PTGIS: variants seen among roughly 807,000 people sequenced by gnomAD.
PTGIS encodes the protein prostacyclin synthase.
In PTGIS, 45 loss-of-function variants were observed where a neutral mutation model predicts 50.3. That is an observed-to-expected ratio of 0.90 (90% CI 0.70 to 1.15). PTGIS has a LOEUF of 1.15. Ranked by LOEUF, PTGIS falls within the 50% of genes most tolerant of loss-of-function variation. The pLI is 0.00. For synonymous variants in PTGIS, 260 were observed against 267.7 expected, an observed-to-expected ratio of 0.97 and a Z score of 0.28; for missense variants, 668 against 661.3, an observed-to-expected ratio of 1.01 and a Z score of -0.11.
At position 49,511,179 on chromosome 20, in the gene PTGIS, C is replaced by A. The variant is rs1211058686; in HGVS notation, c.1207G>T (p.Val403Leu). The A allele has an allele frequency of 1.9e-6, 3 of 1,613,974 alleles. No individual in the cohort carries two copies. The highest frequency in any genetic ancestry group is 2.7e-5 in the African/African-American group (2 of 74,930). The change falls in exon 9 of 10, where the codon GTA (valine) becomes TTA (leucine). Residue 403 changes from valine (V) to leucine (L), a missense_variant and splice_region_variant. Val to Leu is a conservative substitution (Grantham distance 32, BLOSUM62 1). Coordinates refer to ENST00000244043, the MANE Select transcript of PTGIS (RefSeq NM_000961.4). ...RDPEIYTDPE[V>L]FKYNRFLNPD... ...TTCAGGAATCGGTTGTATTTAAATACCTGAAATAGGAAGAAGGTCCTTTTC... is the reference window on the plus strand; with the variant it reads ...TTCAGGAATCGGTTGTATTTAAATAACTGAAATAGGAAGAAGGTCCTTTTC...
intron 3 of PTGIS, 148 bp from the exon 4 acceptor site, chr20:49,544,596 T>A (rs1333230999): frequency 2.5e-6 from 2 of 809,564 alleles, no homozygotes; most frequent in Non-Finnish European, 4.0e-6. Context: ...AATAAGAGGA[T>A]ATTATTATGA....
chr20:49,527,463 T>C (rs1308369493), intron 5 of PTGIS, among the ~76,000 whole-genome samples: 1 of 151,680 alleles, frequency 6.6e-6, no homozygotes, highest in Admixed American at 6.6e-5. Flanking sequence ...CAAAATCTCA[T>C]ATAATGAGAA....
intron 6 of PTGIS, among the ~76,000 whole-genome samples, chr20:49,519,405 C>G (rs1436543356): frequency 6.6e-6 from 1 of 152,054 alleles, no homozygotes; most frequent in East Asian, 1.9e-4. Flanking sequence ...CATCTCCGAC[C>G]TGACAGCAGC....
intron 9 of PTGIS, among the ~76,000 whole-genome samples, 162 bp from the exon 10 acceptor site, chr20:49,508,226 C>T (rs776176989): frequency 2.6e-5 from 4 of 152,220 alleles, no homozygotes; most frequent in Admixed American, 6.5e-5. Flanking sequence ...CTGCTCACCA[C>T]ATTTGCCAGC....
chr20:49,516,505 T>C (rs1489227973), intron 6 of PTGIS, among the ~76,000 whole-genome samples: 1 of 152,208 alleles, frequency 6.6e-6, no homozygotes, highest in Non-Finnish European at 1.5e-5. Context: ...AAATCATTTC[T>C]ACAGTGATGT....
chr20:49,564,067 G>T (rs1221787597), intron 1 of PTGIS, among the ~76,000 whole-genome samples: 1 of 152,202 alleles, frequency 6.6e-6, no homozygotes, highest in Admixed American at 6.5e-5. Context: ...CTAACTCTCA[G>T]CTCACCACCC....
At chr20:49,508,409 G>C (rs1981216529) in intron 9 of PTGIS, among the ~76,000 whole-genome samples, 1 of 152,132 alleles carries the variant, frequency 6.6e-6, no homozygotes, top group Admixed American at 6.6e-5. Context: ...AGCCGAAAGA[G>C]GGAAAGAGCC....
intron 5 of PTGIS, among the ~76,000 whole-genome samples, chr20:49,531,367 G>C (rs1420504456): frequency 6.6e-6 from 1 of 152,108 alleles, no homozygotes; most frequent in African/African-American, 2.4e-5. Context: ...TAGTTAAAGG[G>C]GGAGTCTGCA....
At chr20:49,533,991 A>C (rs533545254) in intron 5 of PTGIS, among the ~76,000 whole-genome samples, 1 of 151,626 alleles carries the variant, frequency 6.6e-6, no homozygotes, top group African/African-American at 2.4e-5. Context: ...ATATATATAA[A>C]ATGTATGTAT....
intron 5 of PTGIS, among the ~76,000 whole-genome samples, chr20:49,528,067 G>C (rs1981835170): frequency 6.6e-6 from 1 of 152,150 alleles, no homozygotes; most frequent in South Asian, 2.1e-4. Flanking sequence ...TTGAACCCGG[G>C]AGGTGGAGGT....
chr20:49,515,988 C>CT (rs1333680928), intron 6 of PTGIS, among the ~76,000 whole-genome samples: 4 of 151,858 alleles, frequency 2.6e-5, no homozygotes. Context: ...TCAAGTGATC[C>CT]TTCTGCCTTA....
At chr20:49,556,057 TAC>T in intron 1 of PTGIS, among the ~76,000 whole-genome samples, 1 of 152,370 alleles carries the variant, frequency 6.6e-6, no homozygotes, top group Non-Finnish European at 1.5e-5. Context: ...TGTTTTGTTT[TAC>T]AGAGTCAAGA....
In PTGIS at chr20:49,504,777, A is replaced by G. The variant is rs1218637164; in HGVS notation, c.*3143T>C. 2.0e-5 allele frequency: 3 copies of G among 152,164 alleles called. No individual in the cohort carries two copies. Among genetic ancestry groups the G allele is most frequent in the African/African-American group, 7.2e-5 (3 of 41,440 alleles). The allele number at this position is 152,164 out of a possible 1,614,324, so 9.4% of individuals were successfully genotyped here. ...CAACAATATTAAAATATAGCAAATA[A>G]TAGTAACAATAATCACAATGGTAAG... On this transcript the variant is annotated 3_prime_UTR_variant, in exon 10 of 10. Transcript: ENST00000244043.
chr20:49,528,008 C>T (rs1981833666), intron 5 of PTGIS, among the ~76,000 whole-genome samples: 1 of 151,824 alleles, frequency 6.6e-6, no homozygotes, highest in African/African-American at 2.4e-5. Flanking sequence ...GGGGTGGTGG[C>T]AGGCACCTGT....
chr20:49,507,607 C>G lies in PTGIS; in HGVS notation c.*313G>C. ...GTTGGGGGCAGAGCAGTGAAGACTC[C>G]TAGTTCTGCCTTATCTGAATAGCAT... On this transcript the variant is annotated 3_prime_UTR_variant, in exon 10 of 10. Coordinates refer to ENST00000244043, the MANE Select transcript of PTGIS (RefSeq NM_000961.4). 1 of 431,336 alleles carries G rather than the reference C, an allele frequency of 2.3e-6. No homozygotes were observed. The highest frequency in any genetic ancestry group is 2.1e-5 in the South Asian group (1 of 47,966). 26.7% of individuals were successfully genotyped at this position (431,336 alleles called of 1,614,324 possible).
chr20:49,516,286 G>C (rs1188049949), intron 6 of PTGIS, among the ~76,000 whole-genome samples: 1 of 151,888 alleles, frequency 6.6e-6, no homozygotes, highest in Non-Finnish European at 1.5e-5. Flanking sequence ...ATTTTTTAAT[G>C]GACACACTAA....
intron 5 of PTGIS, among the ~76,000 whole-genome samples, chr20:49,530,672 A>C (rs1283375717): frequency 1.3e-5 from 2 of 152,184 alleles, no homozygotes; most frequent in African/African-American, 4.8e-5. Context: ...AGTGATGTTG[A>C]ACACCTTTTC....
At position 49,523,910 on chromosome 20, in the gene PTGIS, C is replaced by G. The variant is rs149106154; in HGVS notation, c.855+148G>C. Reference sequence around the variant, plus strand: ...ACACCCACACTCACATCAGCACACACTCACAAATGCACACCTACATACACA... The same window carrying G: ...ACACCCACACTCACATCAGCACACAGTCACAAATGCACACCTACATACACA... On this transcript the variant is annotated intron_variant, in intron 6 of 9. Coordinates refer to ENST00000244043, the MANE Select transcript of PTGIS (RefSeq NM_000961.4). 1.1e-3 allele frequency: 1,105 copies of G among 1,042,644 alleles called. 7 individuals are homozygous for G. In the African/African-American group the frequency reaches 0.016, roughly 15 times the overall value. The allele number at this position is 1,042,644 out of a possible 1,614,324, so 64.6% of individuals were successfully genotyped here.
At chr20:49,560,085 G>A (rs994960875) in intron 1 of PTGIS, among the ~76,000 whole-genome samples, 14 of 151,840 alleles carry the variant, frequency 9.2e-5, no homozygotes, top group African/African-American at 2.7e-4. Flanking sequence ...CACCACGCCC[G>A]GCCAATTTTT....
Sources: gnomAD v4.1 joint callset for allele counts (sites outside exome capture counted in the v4.1 genomes callset) on GRCh38, gnomAD v4.1.1 for gene constraint, MANE v1.5 for transcripts, NCBI Gene and HGNC (gene_info 2026-07-23, HGNC 2026-07-21) for gene names.